The following FHIP1A variants were observed in gnomAD, a reference collection of about 807,000 sequenced individuals.
The protein encoded by FHIP1A is FHF complex subunit HOOK interacting protein 1A.
A neutral mutation model predicts 88.6 loss-of-function variants in FHIP1A; 61 were observed. That is an observed-to-expected ratio of 0.69 (90% CI 0.56 to 0.85). The LOEUF (loss-of-function observed/expected upper bound fraction) is 0.85, where lower values mean the gene tolerates loss of function less well. Ranked by LOEUF, FHIP1A falls within the 40% of genes least tolerant of loss-of-function variation. FHIP1A has a pLI of 0.00. For synonymous variants in FHIP1A, 478 were observed against 496.0 expected, an observed-to-expected ratio of 0.96 and a Z score of 0.48; for missense variants, 1,154 against 1,273.5, an observed-to-expected ratio of 0.91 and a Z score of 1.43.
In FHIP1A at chr4:151,424,067, T is replaced by C. The variant is rs147590157; in HGVS notation, c.-356+14602T>C. Among the ~76,000 whole-genome samples the C allele has an allele frequency of 1.2e-4, 19 of 152,338 alleles. No homozygotes were observed. The East Asian group carries it at 3.7e-3, about 29-fold the overall frequency. On this transcript the variant is annotated intron_variant, in intron 1 of 13. Transcript: ENST00000435205. ...CACACCACCTACACTTTCTGTCTTA[T>C]ATCTCTGTGCCTCTTTTTTTGTGTC...
chr4:151,503,012 C>T (rs1730706100), intron 3 of FHIP1A, among the ~76,000 whole-genome samples: 1 of 152,180 alleles, frequency 6.6e-6, no homozygotes, highest in African/African-American at 2.4e-5. Context: ...ACATTTGCGC[C>T]TTATTTGTCT....
At chr4:151,450,689 C>T (rs543967522) in intron 1 of FHIP1A, among the ~76,000 whole-genome samples, 5 of 152,276 alleles carry the variant, frequency 3.3e-5, no homozygotes, top group Middle Eastern at 3.4e-3. Context: ...TTTCTCTTTA[C>T]GCACACCTTC....
At chr4:151,412,580 TTTCTTTCCTTCCTTCC>T (rs1732696648) in intron 1 of FHIP1A, among the ~76,000 whole-genome samples, 1 of 113,358 alleles carries the variant, frequency 8.8e-6, no homozygotes, top group East Asian at 2.5e-4. Context: ...CTTTCTTTCC[TTTCTTTCCTTCCTTCC>T]TTCCTTCCTT....
At chr4:151,543,879 G>T (rs1467907975) in intron 3 of FHIP1A, among the ~76,000 whole-genome samples, 1 of 152,174 alleles carries the variant, frequency 6.6e-6, no homozygotes, top group Non-Finnish European at 1.5e-5. Flanking sequence ...TGGTATGTTT[G>T]CAAAATTGCC....
chr4:151,454,358 C>G (rs978293415), intron 1 of FHIP1A, among the ~76,000 whole-genome samples: 8 of 152,116 alleles, frequency 5.3e-5, no homozygotes, highest in African/African-American at 1.7e-4. Context: ...AAAGACTGTT[C>G]CTATAGGTAA....
chr4:151,410,891 T>G (rs1732611492), intron 1 of FHIP1A, among the ~76,000 whole-genome samples: 1 of 152,238 alleles, frequency 6.6e-6, no homozygotes, highest in Non-Finnish European at 1.5e-5. Flanking sequence ...TGAAATAAAT[T>G]AAGTTTGGGG....
chr4:151,478,109 A>G (rs1025415395), intron 2 of FHIP1A, among the ~76,000 whole-genome samples: 2 of 152,174 alleles, frequency 1.3e-5, no homozygotes, highest in African/African-American at 2.4e-5. Context: ...AAACAACCTA[A>G]TGTTCATAAT....
intron 1 of FHIP1A, among the ~76,000 whole-genome samples, chr4:151,426,002 A>G (rs941831725): frequency 8.5e-5 from 13 of 152,184 alleles, no homozygotes; most frequent in Admixed American, 8.5e-4. Context: ...ATTCAAGGTA[A>G]TAGTCACAGG....
chr4:151,446,217 C>T (rs868620485), intron 1 of FHIP1A, among the ~76,000 whole-genome samples: 12 of 152,098 alleles, frequency 7.9e-5, no homozygotes, highest in East Asian at 1.9e-4. Context: ...TTTCTTACTG[C>T]GTGTTTTTAA....
At chr4:151,594,225 G>A (rs1177902885) in intron 7 of FHIP1A, among the ~76,000 whole-genome samples, 1 of 152,190 alleles carries the variant, frequency 6.6e-6, no homozygotes, top group Non-Finnish European at 1.5e-5. Context: ...GTCTCTGCCA[G>A]GTTTTGGTAT....
chr4:151,656,265 A>G lies in FHIP1A; in HGVS notation c.2585A>G (p.Glu862Gly). 1 of 1,551,666 alleles carries G rather than the reference A, an allele frequency of 6.4e-7. No individual in the cohort carries two copies. Among genetic ancestry groups the G allele is most frequent in the Non-Finnish European group, 8.7e-7 (1 of 1,146,974 alleles). Reference protein sequence around the residue: ...PFISVVLSKLENMLENSLHVN... With the variant: ...PFISVVLSKLGNMLENSLHVN... ...ATCAGCGTAGTCCTGTCAAAGCTGG[A>G]GAACATGCTGGAGAACTCTTTACAT... is the stretch of plus-strand genomic sequence containing the variant. Residue 862 changes from glutamate (E) to glycine (G), a missense_variant, in exon 12 of 14, where the codon GAG (glutamate) becomes GGG (glycine). By Grantham distance (98) the Glu-to-Gly change is moderately conservative (BLOSUM62 -2). Transcript: ENST00000435205. The surrounding 1 kb of genome is among the most constrained non-coding windows in gnomAD (Gnocchi z 4.2).
At chr4:151,559,145 C>CT (rs896443433) in intron 3 of FHIP1A, among the ~76,000 whole-genome samples, 20 of 152,212 alleles carry the variant, frequency 1.3e-4, no homozygotes, top group Middle Eastern at 3.4e-3. Context: ...TTAAGCTACT[C>CT]TTTTATCCCT....
intron 2 of FHIP1A, among the ~76,000 whole-genome samples, chr4:151,477,025 T>C (rs1307865595): frequency 6.6e-6 from 1 of 152,162 alleles, no homozygotes; most frequent in Admixed American, 6.5e-5. Context: ...TATTCTTGGA[T>C]GTGAAGGTGC....
Position 151,649,600 on chromosome 4 carries a change from T to A in FHIP1A, c.1559T>A (p.Val520Asp), listed in dbSNP as rs967119864. The A allele has an allele frequency of 1.3e-6, 2 of 1,551,584 alleles. No individual in the cohort carries two copies. The highest frequency in any genetic ancestry group is 2.7e-5 in the African/African-American group (2 of 73,046). Reference protein sequence around the residue: ...NILRCMRDCRVWSALYDGDSP... With the variant: ...NILRCMRDCRDWSALYDGDSP... The stretch of plus-strand genomic sequence containing the variant: ...CTCCGCTGCATGAGGGACTGCCGTG[T>A]CTGGTCCGCCCTGTATGATGGCGAC... Residue 520 changes from valine to aspartate, a missense_variant, in exon 11 of 14, where the codon GTC (valine) becomes GAC (aspartate). Val to Asp is a radical substitution (Grantham distance 152, BLOSUM62 -3). Transcript: ENST00000435205.
intron 13 of FHIP1A, among the ~76,000 whole-genome samples, chr4:151,662,007 G>A (rs1737476659): frequency 6.6e-6 from 1 of 152,228 alleles, no homozygotes; most frequent in Admixed American, 6.5e-5. Context: ...TGGAGCACCC[G>A]CTGCAGAGAG....
intron 7 of FHIP1A, among the ~76,000 whole-genome samples, chr4:151,628,246 A>T (rs990985140): frequency 6.6e-6 from 1 of 152,218 alleles, no homozygotes; most frequent in African/African-American, 2.4e-5. Flanking sequence ...TTCTCGTTAG[A>T]TACTAATGCA....
chr4:151,467,965 C>G (rs1293692327), intron 2 of FHIP1A, among the ~76,000 whole-genome samples: 1 of 146,466 alleles, frequency 6.8e-6, no homozygotes, highest in East Asian at 2.0e-4. Flanking sequence ...CGCTCACGTT[C>G]TGCACATGTA....
chr4:151,641,521 CATT>C (rs1736588785), intron 9 of FHIP1A, among the ~76,000 whole-genome samples: 1 of 152,204 alleles, frequency 6.6e-6, no homozygotes, highest in South Asian at 2.1e-4. Context: ...ATTCTTAAAA[CATT>C]ATGAGATTTT....
chr4:151,476,428 T>G (rs1223154131), intron 2 of FHIP1A, among the ~76,000 whole-genome samples: 1 of 152,070 alleles, frequency 6.6e-6, no homozygotes, highest in Non-Finnish European at 1.5e-5. Flanking sequence ...GGATTACAGT[T>G]GTGAGCCATT....
Sources: gnomAD v4.1 joint callset for allele counts (sites outside exome capture counted in the v4.1 genomes callset) on GRCh38, gnomAD v4.1.1 for gene constraint, Gnocchi (gnomAD v3.1) non-coding constraint, MANE v1.5 for transcripts, NCBI Gene and HGNC (gene_info 2026-07-23, HGNC 2026-07-21) for gene names.